Variants in PRKCD observed in about 807,000 individuals in gnomAD.
PRKCD encodes the protein protein kinase C delta.
Under a neutral mutation model 82.2 loss-of-function variants are expected in PRKCD, and 20 were observed. The observed-to-expected ratio is 0.24, with a 90% CI of 0.17 to 0.35. The LOEUF is 0.35. Ranked by LOEUF, PRKCD falls within the 10% of genes least tolerant of loss-of-function variation. The pLI, the probability that PRKCD is intolerant of heterozygous loss-of-function variation, is 1.00. For synonymous variants in PRKCD, 317 were observed against 337.0 expected (o/e 0.94, Z 0.65); for missense variants, 607 against 899.0 (o/e 0.68, Z 4.15).
intron 1 of PRKCD, among the ~76,000 whole-genome samples, chr3:53,162,158 C>G (rs1553663114): frequency 6.6e-6 from 1 of 151,682 alleles, no homozygotes; most frequent in Non-Finnish European, 1.5e-5. Flanking sequence ...CCCCACCCCT[C>G]CGCCCCTCTG....
chr3:53,174,447 G>A (rs1171848734), intron 2 of PRKCD, among the ~76,000 whole-genome samples: 1 of 152,228 alleles, frequency 6.6e-6, no homozygotes, highest in South Asian at 2.1e-4. Flanking sequence ...GTCTGGGGCT[G>A]AGCCAGCGGC....
At chr3:53,183,689 C>T in intron 9 of PRKCD, 108 bp downstream of exon 9, 1 of 1,460,404 alleles carries the variant, frequency 6.8e-7, no homozygotes, top group Non-Finnish European at 9.2e-7. Flanking sequence ...GAGACGGGCA[C>T]CTCATTCAGG....
In PRKCD at chr3:53,186,162, A is replaced by T; in HGVS notation, c.1087-5A>T. On this transcript the variant is annotated splice_polypyrimidine_tract_variant and splice_region_variant and intron_variant, in intron 12 of 18. Coordinates refer to ENST00000330452, the MANE Select transcript of PRKCD (RefSeq NM_006254.4). ...ACCTGCTCAGCACCCGTGTCTCCCC[A>T]TCAGGTGCTGCTTGGAGAGCTGAAG... 6.2e-7 allele frequency: 1 copy of T among 1,613,264 alleles called. No homozygotes were observed. Among genetic ancestry groups the T allele is most frequent in the South Asian group, 1.1e-5 (1 of 90,954 alleles).
intron 2 of PRKCD, among the ~76,000 whole-genome samples, chr3:53,171,084 G>T (rs1297501105): frequency 6.6e-6 from 1 of 152,176 alleles, no homozygotes; most frequent in East Asian, 1.9e-4. Context: ...GTGCCTGTGT[G>T]CACACGTGTG....
rs782261953 is a variant in PRKCD at position 53,183,489 on chromosome 3, G to A, written c.695G>A (p.Arg232His). ...CGCTTCAACATCGACATGCCGCACC[G>A]CTTCAAGGTTCACAACTACATGAGC... ...KERFNIDMPH[R>H]FKVHNYMSPT... The change falls in exon 9 of 19, where the codon CGC (arginine) becomes CAC (histidine). Residue 232 changes from arginine (R) to histidine (H), a missense_variant. Around this residue, in one of 5 missense-constraint regions of PRKCD, gnomAD observed 109 missense variants for 155.6 expected, o/e 0.70. Transcript: ENST00000330452. 2.5e-5 allele frequency: 41 copies of A among 1,614,174 alleles called. No individual in the cohort carries two copies. The highest frequency in any genetic ancestry group is 3.3e-5 in the Admixed American group (2 of 60,020).
chr3:53,179,264 G>A (rs1486146403), intron 3 of PRKCD, among the ~76,000 whole-genome samples: 7 of 152,204 alleles, frequency 4.6e-5, no homozygotes, highest in East Asian at 1.9e-4. Flanking sequence ...TGTGTTCTGC[G>A]CCTCGAATAT....
chr3:53,168,279 G>T (rs1702898205), intron 2 of PRKCD, among the ~76,000 whole-genome samples: 1 of 152,236 alleles, frequency 6.6e-6, no homozygotes, highest in Non-Finnish European at 1.5e-5. Context: ...ATGGCAGCTG[G>T]GGGCAGGGCC....
chr3:53,171,020 C>T (rs1358816190), intron 2 of PRKCD, among the ~76,000 whole-genome samples: 5 of 152,006 alleles, frequency 3.3e-5, no homozygotes, highest in African/African-American at 9.7e-5. Context: ...CAACTGTGTG[C>T]GTGTGTGTCT....
chr3:53,190,524 G>A (rs1423328804), intron 18 of PRKCD, among the ~76,000 whole-genome samples: 2 of 152,214 alleles, frequency 1.3e-5, no homozygotes, highest in Non-Finnish European at 2.9e-5. Flanking sequence ...GGGTGGGTCT[G>A]AGAGGCCCCG....
intron 11 of PRKCD, 27 bp downstream of exon 11, chr3:53,185,727 C>A: frequency 6.2e-7 from 1 of 1,606,444 alleles, no homozygotes; most frequent in Middle Eastern, 1.7e-4. Flanking sequence ...TGCCCCATTA[C>A]GGTTTTTATT....
chr3:53,187,044 C>T (rs1254061719), intron 14 of PRKCD, among the ~76,000 whole-genome samples: 1 of 152,122 alleles, frequency 6.6e-6, no homozygotes, highest in Non-Finnish European at 1.5e-5. Flanking sequence ...GCCCCTTACC[C>T]CAAACTAACC....
chr3:53,182,352 T>G (rs2107265381), intron 7 of PRKCD, among the ~76,000 whole-genome samples: 1 of 152,134 alleles, frequency 6.6e-6, no homozygotes, highest in East Asian at 1.9e-4. Context: ...CACTGTAACC[T>G]CCCTCTCCAA....
chr3:53,162,259 G>A (rs1702693685), intron 1 of PRKCD, among the ~76,000 whole-genome samples: 1 of 147,234 alleles, frequency 6.8e-6, no homozygotes, highest in Admixed American at 6.6e-5. Context: ...CACCAGATGA[G>A]GGGAGGAGGT....
rs1553667524 is a variant in PRKCD at position 53,181,518 on chromosome 3, G to C, written c.451G>C (p.Ala151Pro). 1 of 1,614,210 alleles carries C rather than the reference G, an allele frequency of 6.2e-7. No individual in the cohort carries two copies. ...TMNRRGAIKQ[A>P]KIHYIKNHEF... is the part of the protein sequence containing the mutation. ...GAACCGCCGCGGAGCCATCAAACAG[G>C]CCAAAATCCACTACATCAAGAACCA... Residue 151 changes from alanine (A) to proline (P), a missense_variant, in exon 6 of 19, where the codon GCC becomes CCC. This residue lies in a region of PRKCD where 161 missense variants were observed against 227.0 expected (regional missense o/e 0.71). Transcript: ENST00000330452.
chr3:53,181,703 G>A lies in PRKCD; in HGVS notation c.542G>A (p.Gly181Asp). 1 of 1,612,670 alleles carries A rather than the reference G, an allele frequency of 6.2e-7. No individual in the cohort carries two copies. Among genetic ancestry groups the A allele is most frequent in the Non-Finnish European group, 8.5e-7 (1 of 1,178,734 alleles). ...FCSVCKDFVW[G>D]LNKQGYKCRQ... Reference sequence around the variant, plus strand: ...TTTGCCTGGGTTTTGCCTTTCAGGGGCCTCAACAAGCAAGGCTACAAATGC... The same window carrying A: ...TTTGCCTGGGTTTTGCCTTTCAGGGACCTCAACAAGCAAGGCTACAAATGC... The change falls in exon 7 of 19, where the codon GGC becomes GAC. Residue 181 changes from glycine (G) to aspartate (D), a missense_variant and splice_region_variant. Around this residue, in one of 5 missense-constraint regions of PRKCD, gnomAD observed 109 missense variants for 155.6 expected, o/e 0.70. Transcript: ENST00000330452.
chr3:53,179,864 G>A lies in PRKCD; in HGVS notation c.315+88G>A, dbSNP rs1553666989. 16 of 1,495,222 alleles carry A rather than the reference G, an allele frequency of 1.1e-5. No individual in the cohort carries two copies. In the East Asian group the frequency reaches 1.5e-4, roughly 14 times the overall value. 92.6% of individuals were successfully genotyped at this position (1,495,222 alleles called of 1,614,324 possible). Reference sequence around the variant, plus strand: ...TGCATGTGTGTGCGTGCACACACGCGGGCTTGGTCAGTGAGCACAGCTGAA... The same window carrying A: ...TGCATGTGTGTGCGTGCACACACGCAGGCTTGGTCAGTGAGCACAGCTGAA... On this transcript the variant is annotated intron_variant, in intron 4 of 18. Coordinates refer to ENST00000330452, the MANE Select transcript of PRKCD (RefSeq NM_006254.4).
Position 53,181,710 on chromosome 3 carries a change from C to A in PRKCD, c.549C>A (p.Asn183Lys), listed in dbSNP as rs1378624159. The A allele has an allele frequency of 2.5e-6, 4 of 1,612,936 alleles. No individual in the cohort carries two copies. The highest frequency in any genetic ancestry group is 3.4e-6 in the Non-Finnish European group (4 of 1,179,036). The change falls in exon 7 of 19, where the codon AAC becomes AAA. Residue 183 changes from asparagine to lysine, a missense_variant. Asn to Lys is a moderately conservative substitution (Grantham distance 94). Around this residue, in one of 5 missense-constraint regions of PRKCD, gnomAD observed 109 missense variants for 155.6 expected, o/e 0.70. Coordinates refer to ENST00000330452, the MANE Select transcript of PRKCD (RefSeq NM_006254.4). ...GGGTTTTGCCTTTCAGGGGCCTCAA[C>A]AAGCAAGGCTACAAATGCAGGCGTA... ...SVCKDFVWGL[N>K]KQGYKCRQCN...
In PRKCD at chr3:53,184,960, A is replaced by G. The variant is rs1553668658; in HGVS notation, c.874A>G (p.Asn292Asp). Reference sequence around the variant, plus strand: ...CCAGAAGCTTTTGGCTGAGGCCTTGAACCAAGTCACCCAGGTGGGCAGGTG... The same window carrying G: ...CCAGAAGCTTTTGGCTGAGGCCTTGGACCAAGTCACCCAGGTGGGCAGGTG... ...INQKLLAEAL[N>D]QVTQRASRRS... The change falls in exon 10 of 19, where the codon AAC becomes GAC. Residue 292 changes from asparagine (N) to aspartate (D), a missense_variant. By Grantham distance (23) the Asn-to-Asp change is conservative. Transcript: ENST00000330452. The G allele has an allele frequency of 1.2e-6, 2 of 1,613,874 alleles. No individual in the cohort carries two copies. Among genetic ancestry groups the G allele is most frequent in the Non-Finnish European group, 8.5e-7 (1 of 1,179,924 alleles).
intron 15 of PRKCD, among the ~76,000 whole-genome samples, chr3:53,188,460 G>A (rs2107284240): frequency 6.6e-6 from 1 of 152,318 alleles, no homozygotes; most frequent in African/African-American, 2.4e-5. Flanking sequence ...CCCTGGGCGA[G>A]TGACATCACC....
Sources: gnomAD v4.1 joint callset for allele counts (sites outside exome capture counted in the v4.1 genomes callset) on GRCh38, gnomAD v4.1.1 for gene constraint, gnomAD v4.1.1 regional missense constraint, MANE v1.5 for transcripts, NCBI Gene and HGNC (gene_info 2026-07-23, HGNC 2026-07-21) for gene names.